The following CLPB variants were observed in gnomAD, a reference collection of about 807,000 sequenced individuals.
The protein encoded by CLPB is ClpB family mitochondrial disaggregase.
Under a neutral mutation model 78.4 loss-of-function variants are expected in CLPB, and 40 were observed. The observed-to-expected ratio is 0.51, with a 90% CI of 0.40 to 0.66. The LOEUF is 0.66. Among genes scored for constraint, CLPB ranks in the 30% least tolerant of loss-of-function variants. CLPB has a pLI of 0.00. For synonymous variants in CLPB, 333 were observed against 348.0 expected (o/e 0.96, Z 0.48); for missense variants, 780 against 886.9 (o/e 0.88, Z 1.53).
At chr11:72,295,677 T>C in intron 11 of CLPB, 29 bp from the exon 12 acceptor site, 1 of 1,611,892 alleles carries the variant, frequency 6.2e-7, no homozygotes, top group Non-Finnish European at 8.5e-7. Context: ...GAGTGTACAG[T>C]CAGGGAGCTA....
chr11:72,340,306 G>A (rs1176381022), intron 5 of CLPB, among the ~76,000 whole-genome samples: 1 of 152,180 alleles, frequency 6.6e-6, no homozygotes, highest in Non-Finnish European at 1.5e-5. Flanking sequence ...CGATACACCA[G>A]TCCACGACAT....
intron 2 of CLPB, among the ~76,000 whole-genome samples, chr11:72,426,233 T>C (rs958345811): frequency 6.6e-6 from 1 of 152,142 alleles, no homozygotes; most frequent in Non-Finnish European, 1.5e-5. Flanking sequence ...GGTGTTGTCT[T>C]TCACCCACTT....
At chr11:72,299,356 A>G (rs1410935711) in intron 11 of CLPB, among the ~76,000 whole-genome samples, 1 of 152,212 alleles carries the variant, frequency 6.6e-6, no homozygotes, top group African/African-American at 2.4e-5. Flanking sequence ...TCTTGCTTAA[A>G]GTCTTTAAAA....
At chr11:72,300,025 C>A (rs1949626962) in intron 11 of CLPB, among the ~76,000 whole-genome samples, 1 of 152,190 alleles carries the variant, frequency 6.6e-6, no homozygotes. Flanking sequence ...TGCTCACCCT[C>A]CCTCAGCGGC....
intron 3 of CLPB, among the ~76,000 whole-genome samples, chr11:72,394,826 C>A (rs1460236917): frequency 6.6e-6 from 1 of 152,168 alleles, no homozygotes; most frequent in Non-Finnish European, 1.5e-5. Flanking sequence ...TTGGCCAGCA[C>A]CCTCACCCAT....
At chr11:72,302,370 C>T (rs759380083) in intron 9 of CLPB, 22 bp from the exon 10 acceptor site, 34 of 1,613,500 alleles carry the variant, frequency 2.1e-5, no homozygotes, top group Non-Finnish European at 2.6e-5. Context: ...CAAGCAAGTA[C>T]CAACTCCGTT....
At chr11:72,422,154 A>T (rs1043509249) in intron 2 of CLPB, among the ~76,000 whole-genome samples, 34 of 151,770 alleles carry the variant, frequency 2.2e-4, no homozygotes, top group African/African-American at 7.7e-4. Flanking sequence ...GTAGTCCAGC[A>T]ACTTGGGAGG....
chr11:72,335,183 T>C (rs981254277), intron 5 of CLPB, among the ~76,000 whole-genome samples: 1 of 152,122 alleles, frequency 6.6e-6, no homozygotes, highest in African/African-American at 2.4e-5. Context: ...TATGGCTGGT[T>C]TGGACCTCAT....
intron 5 of CLPB, among the ~76,000 whole-genome samples, chr11:72,345,029 C>T (rs1436509331): frequency 3.9e-5 from 6 of 152,170 alleles, no homozygotes; most frequent in African/African-American, 9.7e-5. Context: ...CTTGACAATA[C>T]ACTCTGTTGG....
At chr11:72,330,817 G>T (rs570560509) in intron 5 of CLPB, among the ~76,000 whole-genome samples, 2 of 152,256 alleles carry the variant, frequency 1.3e-5, no homozygotes, top group East Asian at 3.9e-4. Flanking sequence ...TAATTATCTA[G>T]TATTTTTTGA....
At chr11:72,337,404 T>C (rs555107333) in intron 5 of CLPB, among the ~76,000 whole-genome samples, 6 of 149,748 alleles carry the variant, frequency 4.0e-5, no homozygotes, top group African/African-American at 1.5e-4. Context: ...GCAGGAGACA[T>C]TATTATTTTT....
Position 72,290,902 on chromosome 11 carries a change from G to A in CLPB, c.*2465C>T, listed in dbSNP as rs1303536192. 1 of 148,130 alleles carries A rather than the reference G, an allele frequency of 6.8e-6. No homozygotes were observed. Among genetic ancestry groups the A allele is most frequent in the African/African-American group, 2.5e-5 (1 of 39,808 alleles). The allele number at this position is 148,130 out of a possible 1,614,324, so 9.2% of individuals were successfully genotyped here. A position where few individuals can be genotyped will look rare whatever the true frequency, so the allele number is the denominator to read the frequency against. On this transcript the variant is annotated 3_prime_UTR_variant, in exon 16 of 16. Transcript: ENST00000538039. Reference sequence around the variant, plus strand: ...AGAGGTTGCAGTGAGCCGAGATTGCGCCACTGCACTCCATCCTGGGTGACA... The same window carrying A: ...AGAGGTTGCAGTGAGCCGAGATTGCACCACTGCACTCCATCCTGGGTGACA...
At position 72,293,550 on chromosome 11, in the gene CLPB, A is replaced by G; in HGVS notation, c.1851T>C (p.Cys617=). 1.9e-6 allele frequency: 3 copies of G among 1,613,944 alleles called. No individual in the cohort carries two copies. Among genetic ancestry groups the G allele is most frequent in the Non-Finnish European group, 2.5e-6 (3 of 1,179,956 alleles). ...AGTCCTCCACCGTGATGCGCAAAGT[A>G]CAGCCCCCTGGCAGCAGGTCCTGCT... is the stretch of plus-strand genomic sequence containing the variant. ...AYEQDLLPGG[C]TLRITVEDSD... The change falls in exon 16 of 16, where the codon TGT becomes TGC. Residue 617 remains cysteine (C), a synonymous_variant. Transcript: ENST00000538039.
At chr11:72,371,299 G>T (rs1188557224) in intron 4 of CLPB, among the ~76,000 whole-genome samples, 1 of 152,030 alleles carries the variant, frequency 6.6e-6, no homozygotes, top group Non-Finnish European at 1.5e-5. Context: ...GGAGGCCAAG[G>T]TGGGCAGATT....
At chr11:72,354,555 T>C (rs1950672619) in intron 5 of CLPB, 5 of 377,106 alleles carry the variant, frequency 1.3e-5, no homozygotes, top group African/African-American at 2.1e-5. Flanking sequence ...CCAGCCACCT[T>C]CCCTGATCAC....
At chr11:72,296,343 A>G (rs1377004049) in intron 11 of CLPB, among the ~76,000 whole-genome samples, 3 of 152,204 alleles carry the variant, frequency 2.0e-5, no homozygotes, top group Middle Eastern at 3.2e-3. Flanking sequence ...TGCTTCTTTA[A>G]CCACCTTGGG....
chr11:72,397,214 A>G (rs1855432414), intron 3 of CLPB, among the ~76,000 whole-genome samples: 1 of 152,000 alleles, frequency 6.6e-6, no homozygotes, highest in African/African-American at 2.4e-5. Context: ...TGTTGTTGTC[A>G]TTGTTTGTTT....
At position 72,294,643 on chromosome 11, in the gene CLPB, T is replaced by G. The variant is rs1370586972; in HGVS notation, c.1537A>C (p.Asn513His). 11 of 1,614,154 alleles carry G rather than the reference T, an allele frequency of 6.8e-6. No homozygotes were observed. Among genetic ancestry groups the G allele is most frequent in the Non-Finnish European group, 9.3e-6 (11 of 1,179,990 alleles). ...ACTTTCAGGATAGGGCGAATCACAT[T>G]CTCCTTGAAGTTCTTTGAGATGGTG... ...KITISKNFKE[N>H]VIRPILKAHF... The change falls in exon 13 of 16, where the codon AAT becomes CAT. Residue 513 changes from asparagine to histidine, a missense_variant. Around this residue, in one of 3 missense-constraint regions of CLPB, gnomAD observed 272 missense variants for 304.0 expected, o/e 0.89. Coordinates refer to ENST00000538039, the MANE Select transcript of CLPB (RefSeq NM_001258392.3).
At chr11:72,373,114 G>C in intron 4 of CLPB, 1 of 971,714 alleles carries the variant, frequency 1.0e-6, no homozygotes, top group Non-Finnish European at 1.6e-6. Flanking sequence ...GTTGTTCCAA[G>C]CCCTCTACCC....
Sources: allele counts gnomAD v4.1 joint callset (sites outside exome capture counted in the v4.1 genomes callset), GRCh38; gene constraint gnomAD v4.1.1; regional missense constraint gnomAD v4.1.1; transcripts MANE v1.5; gene names NCBI Gene and HGNC (gene_info 2026-07-23, HGNC 2026-07-21).